Variants in KCNE2 observed in about 807,000 individuals in gnomAD.
The protein encoded by KCNE2 is potassium voltage-gated channel subfamily E regulatory subunit 2.
In KCNE2, 4 loss-of-function variants were observed where a neutral mutation model predicts 4.5. The observed-to-expected ratio is 0.89, with a 90% CI of 0.44 to 2.03. KCNE2 has a LOEUF of 2.03. Ranked by LOEUF, KCNE2 falls within the 30% of genes most tolerant of loss-of-function variation. The pLI, the probability that KCNE2 is intolerant of heterozygous loss-of-function variation, is 0.03. For missense variants in KCNE2, 137 were observed against 151.4 expected, an observed-to-expected ratio of 0.90 and a Z score of 0.50; for synonymous variants, 57 against 55.9, an observed-to-expected ratio of 1.02 and a Z score of -0.09.
chr21:34,368,630 G>A (rs1450003399), intron 1 of KCNE2, among the ~76,000 whole-genome samples: 2 of 152,026 alleles, frequency 1.3e-5, no homozygotes, highest in African/African-American at 2.4e-5. Context: ...CCTTGCAATC[G>A]TTTGCCTTGA....
intron 1 of KCNE2, among the ~76,000 whole-genome samples, chr21:34,369,735 G>T (rs967507075): frequency 6.6e-6 from 1 of 152,114 alleles, no homozygotes; most frequent in Non-Finnish European, 1.5e-5. Flanking sequence ...TGAAACATAG[G>T]AATAATCTCT....
At chr21:34,366,284 C>T (rs10854373) in intron 1 of KCNE2, among the ~76,000 whole-genome samples, 58,040 of 151,938 alleles carry the variant, frequency 0.38, 12,861 homozygotes, top group African/African-American at 0.62. Flanking sequence ...GAGCTTCCTA[C>T]GTGCATAGGT....
chr21:34,368,262 GTATGTTATATA>G (rs1320522368), intron 1 of KCNE2, among the ~76,000 whole-genome samples: 1 of 57,150 alleles, frequency 1.7e-5, no homozygotes, highest in African/African-American at 7.8e-5. Context: ...ATATATATAT[GTATGTTATATA>G]TATGTATGTT....
At chr21:34,365,913 T>A (rs1031806425) in intron 1 of KCNE2, among the ~76,000 whole-genome samples, 2 of 152,254 alleles carry the variant, frequency 1.3e-5, no homozygotes, top group African/African-American at 4.8e-5. Context: ...ATCTCATGCA[T>A]CCGTATTCAA....
intron 1 of KCNE2, among the ~76,000 whole-genome samples, chr21:34,365,718 C>G (rs554866168): frequency 6.6e-6 from 1 of 152,344 alleles, no homozygotes; most frequent in African/African-American, 2.4e-5. Flanking sequence ...AACCACTGTG[C>G]CTGGCCTCCA....
chr21:34,370,822 G>T lies in KCNE2; in HGVS notation c.344G>T (p.Gly115Val), dbSNP rs1349032678. 5.6e-6 allele frequency: 9 copies of T among 1,614,136 alleles called. No individual in the cohort carries two copies. The highest frequency in any genetic ancestry group is 2.7e-5 in the African/African-American group (2 of 75,034). ...ESKATIHENI[G>V]AAGFKMSP is the part of the protein sequence containing the mutation. ...AAGGCCACCATCCATGAGAACATTGGTGCGGCTGGGTTCAAAATGTCCCCC... is the reference window on the plus strand; with the variant it reads ...AAGGCCACCATCCATGAGAACATTGTTGCGGCTGGGTTCAAAATGTCCCCC... The change falls in exon 2 of 2, where the codon GGT (glycine) becomes GTT (valine). Residue 115 changes from glycine to valine, a missense_variant. Physicochemically the swap from Gly to Val is moderately radical, Grantham distance 109 (BLOSUM62 -3). Transcript: ENST00000290310.
chr21:34,365,474 T>C (rs1979251499), intron 1 of KCNE2, among the ~76,000 whole-genome samples: 1 of 152,240 alleles, frequency 6.6e-6, no homozygotes, highest in South Asian at 2.1e-4. Context: ...CTGTCACTGC[T>C]GAGTGCAGTG....
intron 1 of KCNE2, among the ~76,000 whole-genome samples, chr21:34,367,730 C>T (rs1165620516): frequency 6.6e-6 from 1 of 152,118 alleles, no homozygotes; most frequent in African/African-American, 2.4e-5. Context: ...ATGGGGAGAT[C>T]TGATTCTCTT....
rs149134319 is a variant in KCNE2 at position 34,366,923 on chromosome 21, A to G, written c.-13+2772A>G. Reference sequence around the variant, plus strand: ...AAACCCGGGAGGCAGAGCTTGCAGTAAGCCGAGATCGCGCCACTGCACTCC... The same window carrying G: ...AAACCCGGGAGGCAGAGCTTGCAGTGAGCCGAGATCGCGCCACTGCACTCC... On this transcript the variant is annotated intron_variant, in intron 1 of 1. Transcript: ENST00000290310. Among the ~76,000 whole-genome samples, 1,064 of 143,368 alleles carry G rather than the reference A, an allele frequency of 7.4e-3. 8 individuals carry two copies. Among genetic ancestry groups the G allele is most frequent in the Middle Eastern group, 0.011 (3 of 284 alleles). The allele number at this position is 143,368 out of a possible 152,430, so 94.1% of individuals were successfully genotyped here.
rs1979537731 is a variant in KCNE2, at chr21:34,370,617, T to C, written c.139T>C (p.Tyr47His). ...LQAKVDAENF[Y>H]YVILYLMVMI... Reference sequence around the variant, plus strand: ...AGCCAAAGTTGATGCTGAGAACTTCTACTATGTCATCCTGTACCTCATGGT... The same window carrying C: ...AGCCAAAGTTGATGCTGAGAACTTCCACTATGTCATCCTGTACCTCATGGT... The change falls in exon 2 of 2, where the codon TAC (tyrosine) becomes CAC (histidine). Residue 47 changes from tyrosine to histidine, a missense_variant. By Grantham distance (83) the Tyr-to-His change is moderately conservative. Transcript: ENST00000290310. 1.2e-6 allele frequency: 2 copies of C among 1,614,090 alleles called. No homozygotes were observed. The highest frequency in any genetic ancestry group is 1.3e-5 in the African/African-American group (1 of 74,926).
intron 1 of KCNE2, among the ~76,000 whole-genome samples, 165 bp from the exon 2 acceptor site, chr21:34,370,302 G>A (rs964015129): frequency 2.6e-4 from 40 of 152,204 alleles, no homozygotes; most frequent in African/African-American, 8.7e-4. Context: ...TAAAATGTAC[G>A]CAGTCAGTTT....
Position 34,367,907 on chromosome 21 carries a change from T to C in KCNE2, c.-12-2560T>C, listed in dbSNP as rs537500565. Among the ~76,000 whole-genome samples, 220 of 152,228 alleles carry C rather than the reference T, an allele frequency of 1.4e-3. 1 individual carries two copies. The highest frequency in any genetic ancestry group is 5.0e-3 in the African/African-American group (206 of 41,530). On this transcript the variant is annotated intron_variant, in intron 1 of 1. Transcript: ENST00000290310. ...TGTTGAAACCCACTTGCCCCATCTA[T>C]GAACCGTGTTCAGCTCCATTTTCTG...
At chr21:34,369,732 T>C (rs977954149) in intron 1 of KCNE2, among the ~76,000 whole-genome samples, 4 of 152,092 alleles carry the variant, frequency 2.6e-5, no homozygotes. Flanking sequence ...ATTTGAAACA[T>C]AGGAATAATC....
In KCNE2 at chr21:34,369,321, G is replaced by A. The variant is rs1300496059; in HGVS notation, c.-12-1146G>A. Among the ~76,000 whole-genome samples the A allele has an allele frequency of 2.0e-5, 3 of 151,998 alleles. 1 individual carries two copies. Among genetic ancestry groups the A allele is most frequent in the Middle Eastern group, 6.4e-3 (2 of 314 alleles). The stretch of plus-strand genomic sequence containing the variant: ...TCCCAGCACTTTGGGAGGCTGAGGC[G>A]GGTGGATCACCTGAAGTCAGGAGTT... On this transcript the variant is annotated intron_variant, in intron 1 of 1. Transcript: ENST00000290310.
Position 34,370,729 on chromosome 21 carries a change from A to AC in KCNE2, c.253dup (p.His85ProfsTer28), listed in dbSNP as rs1327684093. The stretch of plus-strand genomic sequence containing the variant: ...AGACGGGAACACTCCAATGACCCCT[A>AC]CCACCAGTACATTGTAGAGGACTGG... On this transcript the variant is annotated frameshift_variant, in exon 2 of 2. Coordinates refer to ENST00000290310, the MANE Select transcript of KCNE2 (RefSeq NM_172201.2). LOFTEE classifies it low-confidence loss of function (END_TRUNC). 2 of 1,614,054 alleles carry AC rather than the reference A, an allele frequency of 1.2e-6. No homozygotes were observed. Among genetic ancestry groups the AC allele is most frequent in the Admixed American group, 3.3e-5 (2 of 59,996 alleles).
rs1979526299 is a variant in KCNE2 at position 34,370,459 on chromosome 21, A to T, written c.-12-8A>T. 5 of 1,614,210 alleles carry T rather than the reference A, an allele frequency of 3.1e-6. No homozygotes were observed. Among genetic ancestry groups the T allele is most frequent in the African/African-American group, 1.3e-5 (1 of 75,046 alleles). On this transcript the variant is annotated splice_polypyrimidine_tract_variant and splice_region_variant and intron_variant, in intron 1 of 1. Coordinates refer to ENST00000290310, the MANE Select transcript of KCNE2 (RefSeq NM_172201.2). ...CCTTGTTCGCCTATTTTATTATTTA[A>T]ATTGCAGCAGGAGGGAAGCATGTCT...
rs1365928376 is a variant in KCNE2 at position 34,371,194 on chromosome 21, T to C, written c.*344T>C. 1.2e-5 allele frequency: 4 copies of C among 321,866 alleles called. No homozygotes were observed. The highest frequency in any genetic ancestry group is 2.2e-5 in the African/African-American group (1 of 46,304). The allele number at this position is 321,866 out of a possible 1,614,324, so 19.9% of individuals were successfully genotyped here. A position where few individuals can be genotyped will look rare whatever the true frequency, so the allele number is the denominator to read the frequency against. On this transcript the variant is annotated 3_prime_UTR_variant, in exon 2 of 2. Transcript: ENST00000290310. Reference sequence around the variant, plus strand: ...ATAGAAAGGAGAGATTTACAAATCATTGAATCTTCTTTCTCATGAAACATC... The same window carrying C: ...ATAGAAAGGAGAGATTTACAAATCACTGAATCTTCTTTCTCATGAAACATC...
chr21:34,369,395 C>T (rs1488847461), intron 1 of KCNE2, among the ~76,000 whole-genome samples: 2 of 151,968 alleles, frequency 1.3e-5, no homozygotes, highest in African/African-American at 2.4e-5. Context: ...ACCAAAAATA[C>T]AAAAGTTAGC....
chr21:34,370,667 C>T lies in KCNE2; in HGVS notation c.189C>T (p.Ile63=), dbSNP rs1568814028. The T allele has an allele frequency of 3.7e-6, 6 of 1,614,214 alleles. No homozygotes were observed. Among genetic ancestry groups the T allele is most frequent in the Non-Finnish European group, 5.1e-6 (6 of 1,180,044 alleles). ...TGATGATTGGAATGTTCTCTTTCATCATCGTGGCCATCCTGGTGAGCACTG... is the reference window on the plus strand; with the variant it reads ...TGATGATTGGAATGTTCTCTTTCATTATCGTGGCCATCCTGGTGAGCACTG... ...LMVMIGMFSF[I]IVAILVSTVK... Residue 63 remains isoleucine, a synonymous_variant, in exon 2 of 2, where the codon ATC becomes ATT. Coordinates refer to ENST00000290310, the MANE Select transcript of KCNE2 (RefSeq NM_172201.2).
Sources: gnomAD v4.1 joint callset for allele counts (sites outside exome capture counted in the v4.1 genomes callset) on GRCh38, gnomAD v4.1.1 for gene constraint, MANE v1.5 for transcripts, NCBI Gene and HGNC (gene_info 2026-07-23, HGNC 2026-07-21) for gene names.